Variants in CUX2 observed in about 807,000 individuals in gnomAD.
The protein encoded by CUX2 is homeobox protein cut-like 2.
Under a neutral mutation model 144.8 loss-of-function variants are expected in CUX2, and 40 were observed. That is an observed-to-expected ratio of 0.28 (90% CI 0.21 to 0.36). The LOEUF is 0.36. Among genes scored for constraint, CUX2 ranks in the 10% least tolerant of loss-of-function variants. The probability of loss-of-function intolerance (pLI) is 1.00; values close to 1 mark genes in which losing one functional copy is unlikely to be tolerated. For missense variants in CUX2, 1,615 were observed against 1,994.0 expected, an observed-to-expected ratio of 0.81 and a Z score of 3.62; for synonymous variants, 827 against 875.6, an observed-to-expected ratio of 0.94 and a Z score of 0.98.
Position 111,075,900 on chromosome 12 carries a change from A to G in CUX2, c.63+41660A>G, listed in dbSNP as rs1458803257. ...GGGAAACTGAGTCTGAATAATAATG[A>G]TGATGATAATAACCAGCCTTCAGTA... On this transcript the variant is annotated intron_variant, in intron 1 of 21. Coordinates refer to ENST00000261726, the MANE Select transcript of CUX2 (RefSeq NM_015267.4). Among the ~76,000 whole-genome samples the G allele has an allele frequency of 4.6e-5, 7 of 152,226 alleles. No homozygotes were observed. In the East Asian group the frequency reaches 9.6e-4, roughly 21 times the overall value.
intron 1 of CUX2, among the ~76,000 whole-genome samples, chr12:111,199,138 G>A (rs1254182611): frequency 6.6e-6 from 1 of 152,180 alleles, no homozygotes; most frequent in African/African-American, 2.4e-5. Context: ...GGCAGTGGGA[G>A]TGGGTATTAT....
intron 1 of CUX2, among the ~76,000 whole-genome samples, chr12:111,092,472 G>A (rs1013481366): frequency 2.0e-5 from 3 of 152,224 alleles, no homozygotes; most frequent in Admixed American, 1.3e-4. Context: ...TTCCCAATGC[G>A]GCTGTTGGGA....
Position 111,107,461 on chromosome 12 carries a change from A to G in CUX2, c.63+73221A>G, listed in dbSNP as rs185824108. ...TTACAATTCTTTTCTCCATGTTCCC[A>G]GCTAAGTTCTTCTGTTGCCTCAGGG... On this transcript the variant is annotated intron_variant, in intron 1 of 21. Transcript: ENST00000261726. 2.3e-3 allele frequency among the ~76,000 whole-genome samples: 357 copies of G among 152,352 alleles called. 1 individual carries two copies. The highest frequency in any genetic ancestry group is 5.0e-3 in the South Asian group (24 of 4,830).
At chr12:111,063,819 A>G (rs548654222) in intron 1 of CUX2, among the ~76,000 whole-genome samples, 2 of 152,216 alleles carry the variant, frequency 1.3e-5, no homozygotes, top group African/African-American at 4.8e-5. Context: ...GACGGAGGCA[A>G]TGGGGTTTAA....
chr12:111,051,634 C>CAT (rs1870271116), intron 1 of CUX2, among the ~76,000 whole-genome samples: 1 of 152,006 alleles, frequency 6.6e-6, no homozygotes, highest in African/African-American at 2.4e-5. Context: ...GAATCTAAAG[C>CAT]GTGTCTCCTA....
intron 4 of CUX2, among the ~76,000 whole-genome samples, chr12:111,291,053 C>T (rs573721016): frequency 2.2e-4 from 34 of 151,250 alleles, no homozygotes; most frequent in East Asian, 3.9e-4. Flanking sequence ...TTAGCAGAGA[C>T]GGGGTTTCAC....
chr12:111,308,569 G>A lies in CUX2; in HGVS notation c.1258+43G>A, dbSNP rs559467190. The A allele has an allele frequency of 1.5e-4, 237 of 1,533,914 alleles. 2 individuals are homozygous for A. In the South Asian group the frequency reaches 2.6e-3, roughly 17 times the overall value. On this transcript the variant is annotated intron_variant, in intron 14 of 21. Transcript: ENST00000261726. ...TCTGGGGCTGAGGGCTGGGGCGGGG[G>A]CTGCCTGTGGGTCTCTGGCCTTCTC...
At chr12:111,091,345 CT>C (rs1036239607) in intron 1 of CUX2, among the ~76,000 whole-genome samples, 2 of 152,214 alleles carry the variant, frequency 1.3e-5, no homozygotes, top group African/African-American at 4.8e-5. Context: ...CAGCCGTGCC[CT>C]TTTCACAAAG....
chr12:111,038,197 G>A (rs1037753089), intron 1 of CUX2, among the ~76,000 whole-genome samples: 1 of 152,200 alleles, frequency 6.6e-6, no homozygotes, highest in Non-Finnish European at 1.5e-5. Context: ...ATTCTGAAGT[G>A]CATAAATTTT....
chr12:111,147,449 C>G (rs1220577791), intron 1 of CUX2, among the ~76,000 whole-genome samples: 1 of 152,172 alleles, frequency 6.6e-6, no homozygotes, highest in Non-Finnish European at 1.5e-5. Context: ...CCCACTGTGC[C>G]CCTGTCTTTT....
At chr12:111,313,483 T>A (rs146739070) in intron 16 of CUX2, among the ~76,000 whole-genome samples, 2 of 147,322 alleles carry the variant, frequency 1.4e-5, no homozygotes, top group Non-Finnish European at 3.0e-5. Flanking sequence ...CTACTAAACA[T>A]ACAAAAAAAT....
rs986424457 is a variant in CUX2 at position 111,307,201 on chromosome 12, G to T, written c.1053G>T (p.Lys351Asn). The change falls in exon 12 of 22, where the codon AAG (lysine) becomes AAT (asparagine). Residue 351 changes from lysine to asparagine, a missense_variant and splice_region_variant. By Grantham distance (94) the Lys-to-Asn change is moderately conservative (BLOSUM62 0). Coordinates refer to ENST00000261726, the MANE Select transcript of CUX2 (RefSeq NM_015267.4). This position sits in a 1 kb window ranked among gnomAD's most constrained non-coding sequence, Gnocchi z 4.1. ...QLTAKSEAIE[K>N]LEEKLQAQSD... ...ACCATCTTTCTTTGCTCTTCTAGAA[G>T]CTGGAAGAGAAGCTCCAGGCCCAGT... is the stretch of plus-strand genomic sequence containing the variant. 1.2e-6 allele frequency: 2 copies of T among 1,614,176 alleles called. No individual in the cohort carries two copies. Among genetic ancestry groups the T allele is most frequent in the Non-Finnish European group, 1.7e-6 (2 of 1,180,012 alleles).
At chr12:111,283,855 C>T (rs1212494043) in intron 4 of CUX2, among the ~76,000 whole-genome samples, 6 of 152,188 alleles carry the variant, frequency 3.9e-5, no homozygotes, top group Admixed American at 3.9e-4. Context: ...CAGGCGTGAG[C>T]CATGGTGCCC....
chr12:111,239,129 AGCCAGTTGGCAGCAGAAC>A (rs1882899385), intron 3 of CUX2, among the ~76,000 whole-genome samples: 1 of 152,212 alleles, frequency 6.6e-6, no homozygotes, highest in South Asian at 2.1e-4. Context: ...AAGATCACAC[AGCCAGTTGGCAGCAGAAC>A]GCCTCTCCTT....
chr12:111,076,465 G>A (rs1045456277), intron 1 of CUX2, among the ~76,000 whole-genome samples: 1 of 152,228 alleles, frequency 6.6e-6, no homozygotes, highest in African/African-American at 2.4e-5. Context: ...ACTTGCCAAA[G>A]CTCACACAGC....
At chr12:111,302,381 G>T (rs1481726697) in intron 9 of CUX2, among the ~76,000 whole-genome samples, 1 of 152,130 alleles carries the variant, frequency 6.6e-6, no homozygotes, top group Non-Finnish European at 1.5e-5. Flanking sequence ...AATTGCATTT[G>T]GCCAAACCAC....
intron 1 of CUX2, among the ~76,000 whole-genome samples, chr12:111,174,224 A>G (rs1878707617): frequency 6.6e-6 from 1 of 152,236 alleles, no homozygotes; most frequent in Admixed American, 6.5e-5. Context: ...GAGATGGCAG[A>G]GAATTGCATG....
intron 4 of CUX2, among the ~76,000 whole-genome samples, chr12:111,286,598 C>T (rs962819070): frequency 6.6e-6 from 1 of 151,884 alleles, no homozygotes; most frequent in Non-Finnish European, 1.5e-5. Flanking sequence ...AGTGGCCAGG[C>T]GCAGTGGCTC....
intron 21 of CUX2, among the ~76,000 whole-genome samples, chr12:111,345,735 CA>C (rs762939855): frequency 0.02 from 1,018 of 51,296 alleles, 4 homozygotes; most frequent in African/African-American, 0.055. Context: ...GACTCCGTCT[CA>C]AAAAAAAAAA....
Sources: gnomAD v4.1 joint callset for allele counts (sites outside exome capture counted in the v4.1 genomes callset) on GRCh38, gnomAD v4.1.1 for gene constraint, Gnocchi (gnomAD v3.1) non-coding constraint, MANE v1.5 for transcripts, NCBI Gene and HGNC (gene_info 2026-07-23, HGNC 2026-07-21) for gene names.